ZNF600: variants seen among roughly 807,000 people sequenced by gnomAD.
ZNF600 encodes zinc finger protein KR-ZNF1.
ZNF600 carries 4 observed loss-of-function variants against 7.3 expected under a neutral mutation model. The observed-to-expected ratio is 0.55, with a 90% CI of 0.27 to 1.25. ZNF600 has a LOEUF of 1.25. Among genes scored for constraint, ZNF600 ranks in the 50% most tolerant of loss-of-function variants. The probability of loss-of-function intolerance (pLI) is 0.12; values close to 1 mark genes in which losing one functional copy is unlikely to be tolerated. For missense variants in ZNF600, 911 were observed against 922.1 expected (o/e 0.99, Z 0.16); for synonymous variants, 290 against 308.9 (o/e 0.94, Z 0.64).
the ZNF600 span, among the ~76,000 whole-genome samples, chr19:52,811,238 A>G: frequency 9.5e-3 from 1,438 of 151,354 alleles, 10 homozygotes; most frequent in Non-Finnish European, 0.013. Flanking sequence ...ATCTCGGCTC[A>G]CTACAACCTC....
chr19:52,776,745 A>G (rs536344511), intron 2 of ZNF600, among the ~76,000 whole-genome samples: 1 of 152,284 alleles, frequency 6.6e-6, no homozygotes, highest in East Asian at 1.9e-4. Flanking sequence ...ACTTAAAATC[A>G]TTACAATTAT....
the ZNF600 span, among the ~76,000 whole-genome samples, chr19:52,803,721 C>T: frequency 6.6e-6 from 1 of 152,118 alleles, no homozygotes; most frequent in Admixed American, 6.5e-5. Context: ...AATCCCAGCA[C>T]TTTGGTAGGC....
At chr19:52,830,000 A>G in the ZNF600 span, among the ~76,000 whole-genome samples, 64 of 152,256 alleles carry the variant, frequency 4.2e-4, no homozygotes, top group African/African-American at 1.4e-3. Context: ...GCAGCTGGGA[A>G]CGGTGGCTCA....
intron 1 of ZNF600, among the ~76,000 whole-genome samples, chr19:52,779,769 C>G (rs981851420): frequency 3.9e-5 from 6 of 152,172 alleles, no homozygotes; most frequent in Non-Finnish European, 8.8e-5. Flanking sequence ...AAGGACCCAG[C>G]ACAGTGGCTC....
the ZNF600 span, chr19:52,805,643 A>ATAAAAATAAATAAAT: frequency 7.1e-6 from 1 of 140,302 alleles, no homozygotes; most frequent in Non-Finnish European, 1.5e-5. Context: ...AATAATAATA[A>ATAAAAATAAATAAAT]AAATAAATAA....
intron 2 of ZNF600, among the ~76,000 whole-genome samples, chr19:52,775,062 A>G (rs571293492): frequency 3.3e-5 from 5 of 152,248 alleles, no homozygotes; most frequent in South Asian, 2.1e-4. Flanking sequence ...CAACATGGTG[A>G]AAACCTGTCT....
At chr19:52,779,420 G>C (rs2062702813) in intron 1 of ZNF600, among the ~76,000 whole-genome samples, 1 of 152,234 alleles carries the variant, frequency 6.6e-6, no homozygotes, top group Non-Finnish European at 1.5e-5. Flanking sequence ...GTGAAGCCAG[G>C]GTTGAGCTCC....
upstream of ZNF600, among the ~76,000 whole-genome samples, chr19:52,790,347 A>G (rs1056172361): frequency 2.0e-5 from 3 of 152,022 alleles, no homozygotes; most frequent in Non-Finnish European, 4.4e-5. Flanking sequence ...AAATACAAAA[A>G]TTTTGCAGGT....
At chr19:52,796,873 T>A in the ZNF600 span, among the ~76,000 whole-genome samples, 2 of 152,220 alleles carry the variant, frequency 1.3e-5, no homozygotes, top group East Asian at 3.8e-4. Context: ...TGCCTCAAAC[T>A]AGACCCTGTT....
In ZNF600 at chr19:52,778,406, C is replaced by G. The variant is rs2062693805; in HGVS notation, c.63+420G>C. ...GCATTACCAAATCAGATACAAAATA[C>G]CTCCCCTTATTTGTCTCCTTTTCCA... On this transcript the variant is annotated intron_variant, in intron 2 of 3. Coordinates refer to ENST00000648973, the Ensembl canonical transcript of ZNF600. Among the ~76,000 whole-genome samples, 4 of 152,124 alleles carry G rather than the reference C, an allele frequency of 2.6e-5. No individual in the cohort carries two copies. In the South Asian group the frequency reaches 8.3e-4, roughly 32 times the overall value.
chr19:52,774,748 T>C, intron 2 of ZNF600, 47 bp from the exon 5 acceptor site: 1 of 985,404 alleles, frequency 1.0e-6, no homozygotes, highest in Non-Finnish European at 1.2e-6. Context: ...AGGATTGAGT[T>C]ATCACCTTCA....
At chr19:52,817,407 T>C in the ZNF600 span, among the ~76,000 whole-genome samples, 10 of 152,322 alleles carry the variant, frequency 6.6e-5, no homozygotes, top group Non-Finnish European at 8.8e-5. Context: ...ATCATTAATG[T>C]ATTATTCATC....
At chr19:52,767,864 T>C (rs2062601773) in intron 3 of ZNF600, 92 bp from the exon 6 acceptor site, 2 of 1,444,808 alleles carry the variant, frequency 1.4e-6, no homozygotes, top group Non-Finnish European at 1.8e-6. Context: ...ACAATACTTA[T>C]TTTGAACTTC....
the ZNF600 span, among the ~76,000 whole-genome samples, chr19:52,831,511 G>GT: frequency 5.1e-4 from 74 of 145,020 alleles, no homozygotes; most frequent in South Asian, 4.0e-3. Context: ...TTGTTTTTTT[G>GT]TTTTTTTTTG....
exon 4 of ZNF600, chr19:52,766,207 G>C (rs769124820): frequency 1.2e-6 from 2 of 1,613,154 alleles, no homozygotes; most frequent in South Asian, 2.2e-5. Flanking sequence ...TGAACTCTGC[G>C]ATGGCTTGCA....
At chr19:52,826,689 G>C in the ZNF600 span, among the ~76,000 whole-genome samples, 15 of 152,096 alleles carry the variant, frequency 9.9e-5, no homozygotes, top group South Asian at 2.1e-3. Context: ...CTGGGTGACA[G>C]AATGAGGCTC....
At chr19:52,790,937 T>G (rs1378128942), upstream of ZNF600, among the ~76,000 whole-genome samples, 1 of 151,952 alleles carries the variant, frequency 6.6e-6, no homozygotes. Flanking sequence ...CACCTTGGAC[T>G]CCCAAAATGC....
At chr19:52,788,916 C>T (rs1300968471), upstream of ZNF600, among the ~76,000 whole-genome samples, 8 of 152,176 alleles carry the variant, frequency 5.3e-5, no homozygotes, top group Non-Finnish European at 2.9e-5. Context: ...TAATGTGAAG[C>T]CAAGTTTGAG....
chr19:52,766,865 A>G (rs2062585343), exon 4 of ZNF600: 3 of 1,614,198 alleles, frequency 1.9e-6, no homozygotes, highest in Non-Finnish European at 2.5e-6. Context: ...GTTTCTCTCC[A>G]GTATGAATTC....
Sources: allele counts gnomAD v4.1 joint callset (sites outside exome capture counted in the v4.1 genomes callset), GRCh38; gene constraint gnomAD v4.1.1; transcripts MANE v1.5; gene names NCBI Gene and HGNC (gene_info 2026-07-23, HGNC 2026-07-21).